The following ZFPM2 variants were observed in gnomAD, a reference collection of about 807,000 sequenced individuals.
ZFPM2 encodes zinc finger protein ZFPM2.
ZFPM2 carries 20 observed loss-of-function variants against 98.6 expected under a neutral mutation model. The ratio of observed to expected loss-of-function variants is 0.20; its 90% confidence interval spans 0.14 to 0.29. The LOEUF (loss-of-function observed/expected upper bound fraction) is 0.29. Among genes scored for constraint, ZFPM2 ranks in the 10% least tolerant of loss-of-function variants. The pLI is 1.00. For synonymous variants in ZFPM2, 518 were observed against 502.7 expected, an observed-to-expected ratio of 1.03 and a Z score of -0.41; for missense variants, 1,310 against 1,388.6, an observed-to-expected ratio of 0.94 and a Z score of 0.90.
In ZFPM2 at chr8:105,380,915, T is replaced by A. The variant is rs562132910; in HGVS notation, c.41-38229T>A. Among the ~76,000 whole-genome samples the A allele has an allele frequency of 3.8e-3, 400 of 106,282 alleles. 13 individuals are homozygous for A. The highest frequency in any genetic ancestry group is 0.015 in the African/African-American group (381 of 25,932). The allele number at this position is 106,282 out of a possible 152,430, so 69.7% of individuals were successfully genotyped here. On this transcript the variant is annotated intron_variant, in intron 1 of 7. Coordinates refer to ENST00000407775, the MANE Select transcript of ZFPM2 (RefSeq NM_012082.4). ...ATATATATAATATATAATATATATG[T>A]TATATATATTATAATATATATATTA... is the stretch of plus-strand genomic sequence containing the variant.
intron 5 of ZFPM2, among the ~76,000 whole-genome samples, chr8:105,646,051 G>GA (rs33913136): frequency 2.3e-3 from 303 of 133,184 alleles, no homozygotes; most frequent in African/African-American, 6.2e-3. Flanking sequence ...ACTCCATCTG[G>GA]AAAAAAAAAA....
intron 3 of ZFPM2, among the ~76,000 whole-genome samples, chr8:105,558,621 CA>C (rs1447976633): frequency 1.3e-5 from 2 of 152,122 alleles, no homozygotes; most frequent in Admixed American, 1.3e-4. Context: ...TGTAAATCCA[CA>C]GGTATAGATA....
intron 5 of ZFPM2, among the ~76,000 whole-genome samples, chr8:105,716,537 C>T (rs930186543): frequency 6.6e-6 from 1 of 151,898 alleles, no homozygotes; most frequent in African/African-American, 2.4e-5. Flanking sequence ...ATTAAAATAG[C>T]AGCAATAACT....
rs148929516 is a variant in ZFPM2 at position 105,373,767 on chromosome 8, T to G, written c.41-45377T>G. ...ATGGAAACTATGTTTTTTTAGTACATTAAACTCAAGGAAATGATAAAGGAA... is the reference window on the plus strand; with the variant it reads ...ATGGAAACTATGTTTTTTTAGTACAGTAAACTCAAGGAAATGATAAAGGAA... On this transcript the variant is annotated intron_variant, in intron 1 of 7. Coordinates refer to ENST00000407775, the MANE Select transcript of ZFPM2 (RefSeq NM_012082.4). 1.7e-3 allele frequency among the ~76,000 whole-genome samples: 261 copies of G among 152,232 alleles called. 1 individual carries two copies. The highest frequency in any genetic ancestry group is 2.7e-3 in the East Asian group (14 of 5,184).
intron 5 of ZFPM2, among the ~76,000 whole-genome samples, chr8:105,650,195 T>A (rs1387182496): frequency 6.6e-6 from 1 of 152,202 alleles, no homozygotes; most frequent in African/African-American, 2.4e-5. Context: ...TGATGGTAGT[T>A]TGTATTTCTA....
Position 105,318,855 on chromosome 8 carries a change from GCGGCGGCGGC to G in ZFPM2, c.-86_-77del. 1 of 815,776 alleles carries G rather than the reference GCGGCGGCGGC, an allele frequency of 1.2e-6. No homozygotes were observed. The highest frequency in any genetic ancestry group is 5.9e-5 in the South Asian group (1 of 17,008). 50.5% of individuals were successfully genotyped at this position (815,776 alleles called of 1,614,324 possible). On this transcript the variant is annotated 5_prime_UTR_variant, in exon 1 of 8. Coordinates refer to ENST00000407775, the MANE Select transcript of ZFPM2 (RefSeq NM_012082.4). ...GGGCCGAGCCTGGCCAGCGGCGGCG[GCGGCGGCGGC>G]GGCGGCGGGAGCCGAGGGAGCGGCA...
chr8:105,744,718 G>C (rs1812303719), intron 5 of ZFPM2, among the ~76,000 whole-genome samples: 1 of 68,156 alleles, frequency 1.5e-5, no homozygotes, highest in African/African-American at 6.1e-5. Context: ...TAAGCGTAGG[G>C]TGAAGTTTTC....
At chr8:105,734,350 A>G (rs1812019078) in intron 5 of ZFPM2, among the ~76,000 whole-genome samples, 1 of 151,972 alleles carries the variant, frequency 6.6e-6, no homozygotes, top group Non-Finnish European at 1.5e-5. Flanking sequence ...AGAATACTAT[A>G]AATGAACACT....
intron 1 of ZFPM2, among the ~76,000 whole-genome samples, chr8:105,406,612 A>G (rs965945895): frequency 3.9e-5 from 6 of 152,012 alleles, no homozygotes; most frequent in African/African-American, 1.4e-4. Flanking sequence ...GACCCTTCTC[A>G]GGTTTAGAAA....
At chr8:105,441,434 A>AAG (rs35365518) in intron 2 of ZFPM2, among the ~76,000 whole-genome samples, 1,118 of 95,042 alleles carry the variant, frequency 0.012, 176 homozygotes, top group African/African-American at 0.046. Flanking sequence ...GAAAGAAAGA[A>AAG]AGAGAGAGAG....
chr8:105,702,001 A>G (rs1291795508), intron 5 of ZFPM2, among the ~76,000 whole-genome samples: 1 of 152,190 alleles, frequency 6.6e-6, no homozygotes, highest in Non-Finnish European at 1.5e-5. Flanking sequence ...CATAATTAAA[A>G]CATCTTGGAT....
intron 3 of ZFPM2, among the ~76,000 whole-genome samples, chr8:105,478,151 G>T (rs1813048448): frequency 6.6e-6 from 1 of 152,096 alleles, no homozygotes. Context: ...GCTGACCACG[G>T]GAATGGAAGC....
intron 1 of ZFPM2, among the ~76,000 whole-genome samples, chr8:105,389,478 C>T (rs1643025568): frequency 6.6e-6 from 1 of 152,044 alleles, no homozygotes; most frequent in South Asian, 2.1e-4. Flanking sequence ...ATTCTCTATG[C>T]CTACTCAGAT....
intron 4 of ZFPM2, among the ~76,000 whole-genome samples, chr8:105,602,250 A>G (rs539084969): frequency 6.6e-6 from 1 of 152,256 alleles, no homozygotes; most frequent in Admixed American, 6.6e-5. Context: ...AGTGCTCACT[A>G]CAATTGGTGA....
chr8:105,331,324 A>T (rs1812230370), intron 1 of ZFPM2, among the ~76,000 whole-genome samples: 1 of 151,534 alleles, frequency 6.6e-6, no homozygotes, highest in Admixed American at 6.6e-5. Context: ...TCATTTAAGG[A>T]AGAGTATGAG....
chr8:105,790,143 G>T (rs1315194998), intron 6 of ZFPM2, among the ~76,000 whole-genome samples: 4 of 151,450 alleles, frequency 2.6e-5, no homozygotes, highest in African/African-American at 9.7e-5. Flanking sequence ...TGGTGTTTTA[G>T]ACATGAAGTC....
chr8:105,743,383 T>A (rs1316234856), intron 5 of ZFPM2, among the ~76,000 whole-genome samples: 8 of 151,910 alleles, frequency 5.3e-5, no homozygotes, highest in East Asian at 1.9e-4. Context: ...TGAATTTTTT[T>A]AAAAAAGAGA....
At chr8:105,599,624 G>T (rs189389796) in intron 4 of ZFPM2, among the ~76,000 whole-genome samples, 1 of 151,974 alleles carries the variant, frequency 6.6e-6, no homozygotes, top group South Asian at 2.1e-4. Context: ...AATTTATTGC[G>T]GCAATGGCAG....
intron 1 of ZFPM2, among the ~76,000 whole-genome samples, chr8:105,406,731 G>A (rs1402961582): frequency 6.6e-6 from 1 of 151,928 alleles, no homozygotes; most frequent in African/African-American, 2.4e-5. Flanking sequence ...TTTGAGAGTG[G>A]CGCTTGAAAG....
Sources: gnomAD v4.1 joint callset for allele counts (sites outside exome capture counted in the v4.1 genomes callset) on GRCh38, gnomAD v4.1.1 for gene constraint, MANE v1.5 for transcripts, NCBI Gene and HGNC (gene_info 2026-07-23, HGNC 2026-07-21) for gene names.